The following SEC31A variants were observed in gnomAD, a reference collection of about 807,000 sequenced individuals.
SEC31A encodes SEC31 homolog A, COPII component, also known as protein transport protein Sec31A.
In SEC31A, 70 loss-of-function variants were observed where a neutral mutation model predicts 151.0. The observed-to-expected ratio is 0.46, with a 90% CI of 0.38 to 0.57. SEC31A has a LOEUF of 0.57. SEC31A is among the 20% of genes least tolerant of loss of function. The probability of loss-of-function intolerance (pLI) is 0.00; values close to 1 mark genes in which losing one functional copy is unlikely to be tolerated. For missense variants in SEC31A, 1,330 were observed against 1,471.2 expected (o/e 0.90, Z 1.57); for synonymous variants, 475 against 505.9 (o/e 0.94, Z 0.82).
At chr4:82,880,190 A>G (rs28402819) in intron 3 of SEC31A, among the ~76,000 whole-genome samples, 68,160 of 151,360 alleles carry the variant, frequency 0.45, 18,047 homozygotes, top group Admixed American at 0.59. Context: ...TCTCAAAAAA[A>G]AAACAAAAAC....
At chr4:82,877,223 TCAAAAAA>T (rs1162602151) in intron 4 of SEC31A, among the ~76,000 whole-genome samples, 5 of 152,032 alleles carry the variant, frequency 3.3e-5, no homozygotes, top group Admixed American at 3.3e-4. Flanking sequence ...AGACGCTGTT[TCAAAAAA>T]CAAAAAACAA....
upstream of SEC31A, among the ~76,000 whole-genome samples, chr4:82,892,111 A>AT (rs1346282534): frequency 6.6e-6 from 1 of 152,272 alleles, no homozygotes. Context: ...TTGCAGCTTC[A>AT]TAAGACAGCT....
intron 1 of SEC31A, among the ~76,000 whole-genome samples, chr4:82,888,521 C>A (rs1056965510): frequency 5.3e-5 from 8 of 151,902 alleles, no homozygotes; most frequent in Admixed American, 1.3e-4. Flanking sequence ...GAAACCCTGT[C>A]TCTACTAAAA....
chr4:82,824,625 T>G lies in SEC31A; in HGVS notation c.3341A>C (p.Asp1114Ala). Residue 1114 changes from aspartate (D) to alanine (A), a missense_variant, in exon 25 of 27, where the codon GAT (aspartate) becomes GCT (alanine). By Grantham distance (126) the Asp-to-Ala change is moderately radical (BLOSUM62 -2). Coordinates refer to ENST00000395310, the MANE Select transcript of SEC31A (RefSeq NM_001077207.4). ...TGTGGTCTTTAGAATGAGGTGCTCATCTGGAATAGGTTTCTTGGTAATTTT... is the reference window on the plus strand; with the variant it reads ...TGTGGTCTTTAGAATGAGGTGCTCAGCTGGAATAGGTTTCTTGGTAATTTT... ...TKKITKKPIP[D>A]EHLILKTTFE... 6.2e-7 allele frequency: 1 copy of G among 1,614,118 alleles called. No homozygotes were observed. The highest frequency in any genetic ancestry group is 8.5e-7 in the Non-Finnish European group (1 of 1,179,980).
chr4:82,832,391 C>G (rs1726150945), intron 22 of SEC31A, among the ~76,000 whole-genome samples: 2 of 152,040 alleles, frequency 1.3e-5, no homozygotes, highest in Non-Finnish European at 2.9e-5. Context: ...TTCCTTACAC[C>G]CTATATAAAG....
intron 3 of SEC31A, among the ~76,000 whole-genome samples, chr4:82,898,224 A>C (rs1466565448): frequency 2.0e-5 from 3 of 152,240 alleles, no homozygotes; most frequent in African/African-American, 2.4e-5. Flanking sequence ...CTGGATATGA[A>C]GTTACTAGAA....
chr4:82,849,673 G>C (rs4302450), intron 19 of SEC31A, among the ~76,000 whole-genome samples: 4,634 of 148,986 alleles, frequency 0.031, 121 homozygotes, highest in Admixed American at 0.08. Flanking sequence ...AACTACTAAA[G>C]GTGGTTATTG....
At chr4:82,886,527 A>G (rs1740747642) in intron 1 of SEC31A, among the ~76,000 whole-genome samples, 1 of 152,240 alleles carries the variant, frequency 6.6e-6, no homozygotes, top group African/African-American at 2.4e-5. Flanking sequence ...CTATCATGAG[A>G]TTAAACAAGA....
Position 82,860,651 on chromosome 4 carries a change from T to TA in SEC31A, c.1626+979_1626+980insT, listed in dbSNP as rs1040850828. Reference sequence around the variant, plus strand: ...CCACGCCTGGCTAATTTTTTATTTTTTTTTTTAGAGATAGGGTCTCACTAT... The same window carrying TA: ...CCACGCCTGGCTAATTTTTTATTTTTATTTTTTAGAGATAGGGTCTCACTAT... On this transcript the variant is annotated intron_variant, in intron 14 of 26. Coordinates refer to ENST00000395310, the MANE Select transcript of SEC31A (RefSeq NM_001077207.4). Among the ~76,000 whole-genome samples the TA allele has an allele frequency of 3.1e-3, 465 of 151,706 alleles. 2 individuals are homozygous for TA. The highest frequency in any genetic ancestry group is 5.0e-3 in the Non-Finnish European group (342 of 67,838).
chr4:82,848,363 A>G (rs934589506), intron 20 of SEC31A, among the ~76,000 whole-genome samples: 2 of 151,892 alleles, frequency 1.3e-5, no homozygotes, highest in Non-Finnish European at 2.9e-5. Context: ...TTGTGCAAAT[A>G]CAGAATACAC....
At chr4:82,863,433 T>C (rs1021268208) in intron 11 of SEC31A, 41 bp from the exon 12 acceptor site, 1 of 1,147,134 alleles carries the variant, frequency 8.7e-7, no homozygotes. Flanking sequence ...AAGACCTACA[T>C]TTAAAGGCCG....
At chr4:82,888,458 G>A (rs1741456957) in intron 1 of SEC31A, among the ~76,000 whole-genome samples, 1 of 111,622 alleles carries the variant, frequency 9.0e-6, no homozygotes, top group South Asian at 3.5e-4. Flanking sequence ...TTGGAAGGCC[G>A]AGGCGGGCGG....
intron 25 of SEC31A, among the ~76,000 whole-genome samples, chr4:82,822,054 A>G (rs1723483586): frequency 6.6e-6 from 1 of 152,238 alleles, no homozygotes; most frequent in African/African-American, 2.4e-5. Flanking sequence ...ACTGTAAAGT[A>G]TAATCAAAGA....
chr4:82,890,479 G>A (rs570388877), intron 1 of SEC31A, among the ~76,000 whole-genome samples: 1 of 152,248 alleles, frequency 6.6e-6, no homozygotes, highest in South Asian at 2.1e-4. Context: ...ATGCCCACAA[G>A]TCCAGGCAAT....
chr4:82,881,542 T>G (rs1010399553), intron 2 of SEC31A, among the ~76,000 whole-genome samples: 1 of 152,236 alleles, frequency 6.6e-6, no homozygotes, highest in African/African-American at 2.4e-5. Context: ...TATATAAAAA[T>G]GCTAACATCA....
intron 26 of SEC31A, among the ~76,000 whole-genome samples, chr4:82,819,831 G>A (rs1008210194): frequency 6.6e-6 from 1 of 151,598 alleles, no homozygotes; most frequent in Non-Finnish European, 1.5e-5. Flanking sequence ...GTGCGATCTC[G>A]ACTCACTGCA....
At chr4:82,873,507 G>C (rs1271657938) in intron 6 of SEC31A, among the ~76,000 whole-genome samples, 2 of 151,972 alleles carry the variant, frequency 1.3e-5, no homozygotes, top group Non-Finnish European at 2.9e-5. Context: ...AACATTATTA[G>C]GAACTATCTG....
At chr4:82,894,832 T>G (rs529585119), upstream of SEC31A, 1 of 152,368 alleles carries the variant, frequency 6.6e-6, no homozygotes, top group East Asian at 1.9e-4. Context: ...TTCTTCTTAG[T>G]GCTTCAAACT....
Position 82,857,729 on chromosome 4 carries a change from T to C in SEC31A, c.1662A>G (p.Leu554=). 1.9e-6 allele frequency: 3 copies of C among 1,603,932 alleles called. No homozygotes were observed. The highest frequency in any genetic ancestry group is 2.6e-6 in the Non-Finnish European group (3 of 1,171,202). The part of the protein sequence containing the change: ...IKEEKEESEF[L]PSSGGTFNIS... The stretch of plus-strand genomic sequence containing the variant: ...TATTAAATGTTCCTCCAGATGAGGG[T>C]AGAAATTCAGATTCTTCTTTTTCCT... The change falls in exon 15 of 27, where the codon CTA becomes CTG. Residue 554 remains leucine (L), a synonymous_variant. Transcript: ENST00000395310.
Sources: gnomAD v4.1 joint callset for allele counts (sites outside exome capture counted in the v4.1 genomes callset) on GRCh38, gnomAD v4.1.1 for gene constraint, MANE v1.5 for transcripts, NCBI Gene and HGNC (gene_info 2026-07-23, HGNC 2026-07-21) for gene names.